Variants in CACNA2D3 observed in about 807,000 individuals in gnomAD.
CACNA2D3 encodes voltage-dependent calcium channel subunit alpha-2/delta-3.
CACNA2D3 carries 60 observed loss-of-function variants against 160.6 expected under a neutral mutation model. That is an observed-to-expected ratio of 0.37 (90% CI 0.30 to 0.46). CACNA2D3 has a LOEUF of 0.46. Among genes scored for constraint, CACNA2D3 ranks in the 20% least tolerant of loss-of-function variants. The pLI is 1.00. For synonymous variants in CACNA2D3, 558 were observed against 492.9 expected (o/e 1.13, Z -1.75); for missense variants, 1,205 against 1,365.0 (o/e 0.88, Z 1.85).
intron 2 of CACNA2D3, among the ~76,000 whole-genome samples, chr3:54,184,664 CATACTCG>C (rs1700848151): frequency 6.6e-6 from 1 of 152,330 alleles, no homozygotes; most frequent in East Asian, 1.9e-4. Flanking sequence ...GGGTTATTAT[CATACTCG>C]ATGGCATTGA....
chr3:54,441,098 C>A (rs1700137671), intron 4 of CACNA2D3, among the ~76,000 whole-genome samples: 1 of 152,132 alleles, frequency 6.6e-6, no homozygotes, highest in Admixed American at 6.5e-5. Context: ...TTTACAGTCC[C>A]ACCAACAGTG....
chr3:54,587,922 T>G (rs1044556376), intron 9 of CACNA2D3, among the ~76,000 whole-genome samples: 2 of 152,310 alleles, frequency 1.3e-5, no homozygotes, highest in East Asian at 3.9e-4. Flanking sequence ...AATATCAATT[T>G]TACACAATCT....
chr3:54,763,800 TAC>T lies in CACNA2D3; in HGVS notation c.1247-416_1247-415del, dbSNP rs1288387904. 9.1e-3 allele frequency among the ~76,000 whole-genome samples: 142 copies of T among 15,584 alleles called. 23 individuals are homozygous for T. The highest frequency in any genetic ancestry group is 0.016 in the South Asian group (10 of 612). The allele number at this position is 15,584 out of a possible 152,430, so 10.2% of individuals were successfully genotyped here. A position where few individuals can be genotyped will look rare whatever the true frequency, so the allele number is the denominator to read the frequency against. On this transcript the variant is annotated intron_variant, in intron 12 of 37. Coordinates refer to ENST00000474759, the MANE Select transcript of CACNA2D3 (RefSeq NM_018398.3). ...ATGTACATATATATGTATATATATGTACATATATATACATATATATATACGTA... is the reference window on the plus strand; with the variant it reads ...ATGTACATATATATGTATATATATGTATATATATACATATATATATACGTA...
In CACNA2D3 at chr3:54,122,793, T is replaced by C; in HGVS notation, c.80T>C (p.Leu27Pro). 3 of 1,230,574 alleles carry C rather than the reference T, an allele frequency of 2.4e-6. No homozygotes were observed. Among genetic ancestry groups the C allele is most frequent in the Non-Finnish European group, 2.0e-6 (2 of 982,024 alleles). The allele number at this position is 1,230,574 out of a possible 1,614,324, so 76.2% of individuals were successfully genotyped here. A position where few individuals can be genotyped will look rare whatever the true frequency, so the allele number is the denominator to read the frequency against. Reference sequence around the variant, plus strand: ...GCTGCCGCGCTTCTCTACGCCGCGCTGGGGGACGTGGTGCGCTCGGAGCAG... The same window carrying C: ...GCTGCCGCGCTTCTCTACGCCGCGCCGGGGGACGTGGTGCGCTCGGAGCAG... ...LLAAALLYAA[L>P]GDVVRSEQQI... The change falls in exon 1 of 38, where the codon CTG becomes CCG. Residue 27 changes from leucine (L) to proline (P), a missense_variant. Coordinates refer to ENST00000474759, the MANE Select transcript of CACNA2D3 (RefSeq NM_018398.3).
intron 9 of CACNA2D3, among the ~76,000 whole-genome samples, chr3:54,588,256 A>G (rs941924369): frequency 6.6e-6 from 1 of 152,206 alleles, no homozygotes; most frequent in African/African-American, 2.4e-5. Flanking sequence ...TTGATAAAAA[A>G]CACCCTTTAT....
At position 54,736,055 on chromosome 3, in the gene CACNA2D3, ATG is replaced by A. The variant is rs1179719596; in HGVS notation, c.1168-16542_1168-16541del. ...TATATGTATATATATACACATACAT[ATG>A]TATGTATATATATATACATATATAT... On this transcript the variant is annotated intron_variant, in intron 11 of 37. Transcript: ENST00000474759. Among the ~76,000 whole-genome samples, 91 of 43,644 alleles carry A rather than the reference ATG, an allele frequency of 2.1e-3. 4 individuals are homozygous for A. Among genetic ancestry groups the A allele is most frequent in the African/African-American group, 5.1e-3 (68 of 13,382 alleles). The allele number at this position is 43,644 out of a possible 152,430, so 28.6% of individuals were successfully genotyped here. A position where few individuals can be genotyped will look rare whatever the true frequency, so the allele number is the denominator to read the frequency against.
At chr3:54,425,277 G>T (rs1158435253) in intron 4 of CACNA2D3, among the ~76,000 whole-genome samples, 2 of 152,228 alleles carry the variant, frequency 1.3e-5, no homozygotes, top group Non-Finnish European at 2.9e-5. Flanking sequence ...GTTGCAGTGA[G>T]CCGAGATCGT....
At chr3:54,772,528 C>T (rs574471283) in intron 13 of CACNA2D3, among the ~76,000 whole-genome samples, 3 of 152,134 alleles carry the variant, frequency 2.0e-5, no homozygotes, top group African/African-American at 7.2e-5. Flanking sequence ...TTTCAGGGCC[C>T]ATTCTCCCTG....
chr3:54,334,333 A>G (rs1325416469), intron 3 of CACNA2D3, among the ~76,000 whole-genome samples: 7 of 152,090 alleles, frequency 4.6e-5, no homozygotes, highest in African/African-American at 1.7e-4. Flanking sequence ...TGATCCGCCC[A>G]CCTTGGCCTC....
chr3:54,421,425 C>G (rs569786363), intron 4 of CACNA2D3, among the ~76,000 whole-genome samples: 3 of 152,174 alleles, frequency 2.0e-5, no homozygotes, highest in Non-Finnish European at 2.9e-5. Flanking sequence ...CTTTTGCTCC[C>G]TCTGCCCTTT....
intron 13 of CACNA2D3, among the ~76,000 whole-genome samples, chr3:54,780,533 A>G (rs1327359117): frequency 6.6e-6 from 1 of 152,210 alleles, no homozygotes. Context: ...ATCATGATTT[A>G]GGTGAACTCC....
chr3:54,147,732 T>C (rs767476220), intron 2 of CACNA2D3, among the ~76,000 whole-genome samples: 1 of 152,262 alleles, frequency 6.6e-6, no homozygotes, highest in Non-Finnish European at 1.5e-5. Context: ...TTGCTTTTAT[T>C]GTCCTGCTTG....
At chr3:54,806,405 A>G (rs1241011529) in intron 13 of CACNA2D3, among the ~76,000 whole-genome samples, 2 of 152,212 alleles carry the variant, frequency 1.3e-5, no homozygotes, top group African/African-American at 4.8e-5. Context: ...CTTATACACC[A>G]ATAGCGGACA....
chr3:54,294,055 T>A (rs1361803728), intron 2 of CACNA2D3, among the ~76,000 whole-genome samples: 2 of 152,186 alleles, frequency 1.3e-5, no homozygotes, highest in Non-Finnish European at 2.9e-5. Flanking sequence ...ACGTTAAAGC[T>A]GATCCCATAA....
chr3:54,766,786 T>C (rs1275013884), intron 13 of CACNA2D3, among the ~76,000 whole-genome samples: 2 of 152,076 alleles, frequency 1.3e-5, no homozygotes, highest in Non-Finnish European at 2.9e-5. Flanking sequence ...CATTAGTTGA[T>C]AGAGAGTGAT....
intron 11 of CACNA2D3, among the ~76,000 whole-genome samples, chr3:54,664,842 G>A (rs1289499272): frequency 6.6e-6 from 1 of 152,156 alleles, no homozygotes; most frequent in East Asian, 1.9e-4. Context: ...GTGGCTGGAG[G>A]TGGAGGCTCT....
At chr3:54,440,954 C>G (rs1381977830) in intron 4 of CACNA2D3, among the ~76,000 whole-genome samples, 1 of 152,158 alleles carries the variant, frequency 6.6e-6, no homozygotes, top group Non-Finnish European at 1.5e-5. Context: ...CATACGTGTG[C>G]ATGTGTCTTT....
At chr3:54,376,829 G>A (rs1319993007) in intron 3 of CACNA2D3, among the ~76,000 whole-genome samples, 1 of 152,120 alleles carries the variant, frequency 6.6e-6, no homozygotes, top group Non-Finnish European at 1.5e-5. Flanking sequence ...GCTGTTCCCT[G>A]GACCAACACG....
chr3:54,558,687 C>G (rs1468478790), intron 5 of CACNA2D3, among the ~76,000 whole-genome samples: 1 of 152,120 alleles, frequency 6.6e-6, no homozygotes, highest in Non-Finnish European at 1.5e-5. Context: ...TTCTGTTCCT[C>G]TGTTAATTCA....
Sources: gnomAD v4.1 joint callset for allele counts (sites outside exome capture counted in the v4.1 genomes callset) on GRCh38, gnomAD v4.1.1 for gene constraint, MANE v1.5 for transcripts, NCBI Gene and HGNC (gene_info 2026-07-23, HGNC 2026-07-21) for gene names.